Variants in STAT4 observed in about 807,000 individuals in gnomAD.
STAT4 encodes signal transducer and activator of transcription 4.
A neutral mutation model predicts 110.5 loss-of-function variants in STAT4; 42 were observed. The ratio of observed to expected loss-of-function variants is 0.38; its 90% CI spans 0.30 to 0.49. STAT4 has a LOEUF of 0.49. Ranked by LOEUF, STAT4 falls within the 20% of genes least tolerant of loss-of-function variation. STAT4 has a pLI of 0.95. For missense variants in STAT4, 632 were observed against 887.9 expected (o/e 0.71, Z 3.66); for synonymous variants, 284 against 302.2 (o/e 0.94, Z 0.63).
At position 191,143,046 on chromosome 2, in the gene STAT4, GAAT is replaced by G. The variant is rs955777416; in HGVS notation, c.273+3564_273+3566del. ...AATGTATGCTACCAATGCAAGACAT[GAAT>G]AATAGGTGAAACTGGGATGTGGAGC... On this transcript the variant is annotated intron_variant, in intron 3 of 23. Coordinates refer to ENST00000392320, the MANE Select transcript of STAT4 (RefSeq NM_003151.4). This position sits in a 1 kb window ranked among gnomAD's most constrained non-coding sequence, Gnocchi z 5.6. Among the ~76,000 whole-genome samples, 15 of 152,252 alleles carry G rather than the reference GAAT, an allele frequency of 9.9e-5. No homozygotes were observed. Among genetic ancestry groups the G allele is most frequent in the African/African-American group, 3.1e-4 (13 of 41,556 alleles).
At chr2:191,069,532 T>C (rs898413357) in intron 6 of STAT4, among the ~76,000 whole-genome samples, 161 bp downstream of exon 6, 1 of 152,084 alleles carries the variant, frequency 6.6e-6, no homozygotes, top group African/African-American at 2.4e-5. Context: ...GACATATTTA[T>C]ATGCAGAGAT....
In STAT4 at chr2:191,096,473, A is replaced by G. The variant is rs531680267; in HGVS notation, c.274-20148T>C. 1.3e-4 allele frequency among the ~76,000 whole-genome samples: 20 copies of G among 152,338 alleles called. No individual in the cohort carries two copies. The South Asian group carries it at 1.7e-3, about 13-fold the overall frequency. On this transcript the variant is annotated intron_variant, in intron 3 of 23. Coordinates refer to ENST00000392320, the MANE Select transcript of STAT4 (RefSeq NM_003151.4). ...TGCAAGGCTGGTTCAACATATGCAAATCGATAAACATAATCCATCACACAA... is the reference window on the plus strand; with the variant it reads ...TGCAAGGCTGGTTCAACATATGCAAGTCGATAAACATAATCCATCACACAA...
chr2:191,074,640 G>A (rs1168698280), intron 4 of STAT4, among the ~76,000 whole-genome samples: 1 of 152,046 alleles, frequency 6.6e-6, no homozygotes, highest in Non-Finnish European at 1.5e-5. Flanking sequence ...GGACAGCTGA[G>A]AATACATGTG....
intron 2 of STAT4, 58 bp downstream of exon 2, chr2:191,148,018 T>A: frequency 6.2e-7 from 1 of 1,604,592 alleles, no homozygotes; most frequent in South Asian, 1.1e-5. Flanking sequence ...TAAATTCACA[T>A]GGATAGAGCA....
At chr2:191,145,457 A>G (rs1699438338) in intron 3 of STAT4, among the ~76,000 whole-genome samples, 2 of 152,186 alleles carry the variant, frequency 1.3e-5, no homozygotes, top group African/African-American at 4.8e-5. Flanking sequence ...AGGTTTATAG[A>G]TTAGATCACT....
chr2:191,074,444 T>A (rs1303650121), intron 4 of STAT4, among the ~76,000 whole-genome samples: 2 of 152,224 alleles, frequency 1.3e-5, no homozygotes, highest in Non-Finnish European at 2.9e-5. Flanking sequence ...TCTACCTAGT[T>A]GAAATTTAAT....
chr2:191,032,809 CA>C lies in STAT4; in HGVS notation c.2044+148del. ...TTCAGGAACTGCTGACATACCACTT[CA>C]TTTCTAAGGCTTTGACCTCCACATG... On this transcript the variant is annotated intron_variant, in intron 21 of 23. Coordinates refer to ENST00000392320, the MANE Select transcript of STAT4 (RefSeq NM_003151.4). This position sits in a 1 kb window ranked among gnomAD's most constrained non-coding sequence, Gnocchi z 4.9. 1 of 790,048 alleles carries C rather than the reference CA, an allele frequency of 1.3e-6. No homozygotes were observed. Among genetic ancestry groups the C allele is most frequent in the Non-Finnish European group, 1.9e-6 (1 of 514,482 alleles). The allele number at this position is 790,048 out of a possible 1,614,324, so 48.9% of individuals were successfully genotyped here.
At chr2:191,052,433 G>A (rs779903636) in intron 14 of STAT4, among the ~76,000 whole-genome samples, 1 of 152,156 alleles carries the variant, frequency 6.6e-6, no homozygotes. Context: ...ATTCTGATAC[G>A]ACTGTATGAT....
intron 3 of STAT4, among the ~76,000 whole-genome samples, chr2:191,078,094 C>T (rs1697364114): frequency 3.7e-5 from 2 of 54,692 alleles, no homozygotes; most frequent in African/African-American, 6.3e-5. Flanking sequence ...TAATATTATT[C>T]CATTGTTAAA....
chr2:191,095,503 C>T (rs957926101), intron 3 of STAT4, among the ~76,000 whole-genome samples: 1 of 152,150 alleles, frequency 6.6e-6, no homozygotes, highest in African/African-American at 2.4e-5. Flanking sequence ...CAACATGCTC[C>T]TGAATGGACA....
Position 191,031,608 on chromosome 2 carries a change from G to C in STAT4, c.2045-92C>G. 9.8e-7 allele frequency: 1 copy of C among 1,023,408 alleles called. No homozygotes were observed. The highest frequency in any genetic ancestry group is 1.5e-6 in the Non-Finnish European group (1 of 676,866). The allele number at this position is 1,023,408 out of a possible 1,614,324, so 63.4% of individuals were successfully genotyped here. On this transcript the variant is annotated intron_variant, in intron 21 of 23. Coordinates refer to ENST00000392320, the MANE Select transcript of STAT4 (RefSeq NM_003151.4). The surrounding 1 kb of genome is among the most constrained non-coding windows in gnomAD (Gnocchi z 4.8). ...AAGAGTCTAGAAAAATATTAACAAT[G>C]ATAAGAGGAAGAGAGATAACGCAGT...
At chr2:191,073,325 T>A in intron 4 of STAT4, 135 bp from the exon 5 acceptor site, 1 of 672,338 alleles carries the variant, frequency 1.5e-6, no homozygotes, top group South Asian at 2.1e-5. Context: ...AAAATCATGC[T>A]GTAAAAAAGT....
At chr2:191,065,000 T>C (rs1696949273) in intron 7 of STAT4, 42 bp from the exon 8 acceptor site, 6 of 1,474,902 alleles carry the variant, frequency 4.1e-6, no homozygotes, top group Non-Finnish European at 5.4e-6. Context: ...TCATAAGAAA[T>C]AAGTCACTTA....
In STAT4 at chr2:191,031,590, T is replaced by A; in HGVS notation, c.2045-74A>T. The A allele has an allele frequency of 8.3e-7, 1 of 1,198,300 alleles. No individual in the cohort carries two copies. Among genetic ancestry groups the A allele is most frequent in the Non-Finnish European group, 1.2e-6 (1 of 825,146 alleles). The allele number at this position is 1,198,300 out of a possible 1,614,324, so 74.2% of individuals were successfully genotyped here. A position where few individuals can be genotyped will look rare whatever the true frequency, so the allele number is the denominator to read the frequency against. On this transcript the variant is annotated intron_variant, in intron 21 of 23. Coordinates refer to ENST00000392320, the MANE Select transcript of STAT4 (RefSeq NM_003151.4). This position sits in a 1 kb window ranked among gnomAD's most constrained non-coding sequence, Gnocchi z 4.8. Reference sequence around the variant, plus strand: ...CAATAAAACTGGGGAAAAAAGAGTCTAGAAAAATATTAACAATGATAAGAG... The same window carrying A: ...CAATAAAACTGGGGAAAAAAGAGTCAAGAAAAATATTAACAATGATAAGAG...
rs1287373409 is a variant in STAT4, at chr2:191,086,786, T to A, written c.274-10461A>T. On this transcript the variant is annotated intron_variant, in intron 3 of 23. Transcript: ENST00000392320. The surrounding 1 kb of genome is among the most constrained non-coding windows in gnomAD (Gnocchi z 5.5). ...ACTTGAAATTGCTAGAAATTAGAAC[T>A]GCTTTTCTTAAAGCTTCTCAAACTG... Among the ~76,000 whole-genome samples, 1 of 152,188 alleles carries A rather than the reference T, an allele frequency of 6.6e-6. No individual in the cohort carries two copies. The highest frequency in any genetic ancestry group is 1.5e-5 in the Non-Finnish European group (1 of 68,030).
At chr2:191,054,014 G>C (rs1417695731) in intron 14 of STAT4, among the ~76,000 whole-genome samples, 1 of 151,602 alleles carries the variant, frequency 6.6e-6, no homozygotes, top group Non-Finnish European at 1.5e-5. Flanking sequence ...TATAGTCCCA[G>C]CTACTTGCAA....
At position 191,135,623 on chromosome 2, in the gene STAT4, C is replaced by G. The variant is rs776294338; in HGVS notation, c.273+10990G>C. On this transcript the variant is annotated intron_variant, in intron 3 of 23. Coordinates refer to ENST00000392320, the MANE Select transcript of STAT4 (RefSeq NM_003151.4). This position sits in a 1 kb window ranked among gnomAD's most constrained non-coding sequence, Gnocchi z 4.8. ...CTGGGACTACAGGTGATCACCACCA[C>G]GCCCAGCTAATTTTTTGTATTTTTA... Among the ~76,000 whole-genome samples, 1 of 152,140 alleles carries G rather than the reference C, an allele frequency of 6.6e-6. No homozygotes were observed. Among genetic ancestry groups the G allele is most frequent in the South Asian group, 2.1e-4 (1 of 4,836 alleles).
rs1325056416 is a variant in STAT4 at position 191,143,454 on chromosome 2, T to C, written c.273+3159A>G. Among the ~76,000 whole-genome samples the C allele has an allele frequency of 1.3e-5, 2 of 152,192 alleles. No homozygotes were observed. The highest frequency in any genetic ancestry group is 2.9e-5 in the Non-Finnish European group (2 of 68,024). ...GGGTGTGAGTCTGCCTCCCCTTAAA[T>C]AGGCCAAGGGCTGCTGAACGATGGT... is the stretch of plus-strand genomic sequence containing the variant. On this transcript the variant is annotated intron_variant, in intron 3 of 23. Transcript: ENST00000392320. This position sits in a 1 kb window ranked among gnomAD's most constrained non-coding sequence, Gnocchi z 5.6.
intron 3 of STAT4, among the ~76,000 whole-genome samples, chr2:191,093,270 C>T (rs966055701): frequency 3.9e-5 from 6 of 152,216 alleles, no homozygotes; most frequent in Non-Finnish European, 7.3e-5. Context: ...CCCTGTGTAG[C>T]CTAACCGGGA....
Sources: allele counts gnomAD v4.1 joint callset (sites outside exome capture counted in the v4.1 genomes callset), GRCh38; gene constraint gnomAD v4.1.1; non-coding constraint Gnocchi (gnomAD v3.1); transcripts MANE v1.5; gene names NCBI Gene and HGNC (gene_info 2026-07-23, HGNC 2026-07-21).